HS3ST4: variants seen among roughly 807,000 people sequenced by gnomAD.
HS3ST4 encodes the protein heparan sulfate-glucosamine 3-sulfotransferase 4, also known as heparan sulfate glucosamine 3-O-sulfotransferase 4.
HS3ST4 carries 17 observed loss-of-function variants against 29.2 expected under a neutral mutation model. The ratio of observed to expected loss-of-function variants is 0.58; its 90% confidence interval spans 0.40 to 0.87. HS3ST4 has a LOEUF of 0.87. HS3ST4 is among the 40% of genes least tolerant of loss of function. The pLI is 0.00. For missense variants in HS3ST4, 627 were observed against 634.5 expected (o/e 0.99, Z 0.13); for synonymous variants, 314 against 285.7 (o/e 1.10, Z -1.00).
chr16:26,074,421 A>C (rs1192363285), intron 1 of HS3ST4, among the ~76,000 whole-genome samples: 2 of 152,204 alleles, frequency 1.3e-5, no homozygotes, highest in Admixed American at 1.3e-4. Flanking sequence ...GGGGCTGGGA[A>C]TGCTTTTGAC....
chr16:25,888,130 T>G (rs945703061), intron 1 of HS3ST4, among the ~76,000 whole-genome samples: 1 of 152,186 alleles, frequency 6.6e-6, no homozygotes, highest in Non-Finnish European at 1.5e-5. Context: ...TAATGTGGAC[T>G]TCAGTTGGCC....
At chr16:25,732,323 T>C (rs756937635) in intron 1 of HS3ST4, among the ~76,000 whole-genome samples, 1 of 152,214 alleles carries the variant, frequency 6.6e-6, no homozygotes, top group Non-Finnish European at 1.5e-5. Context: ...CCTTTTTACA[T>C]TGTAGGAATT....
chr16:26,130,079 G>A (rs980717293), intron 1 of HS3ST4, among the ~76,000 whole-genome samples: 3 of 152,170 alleles, frequency 2.0e-5, no homozygotes, highest in Non-Finnish European at 4.4e-5. Context: ...ACCAGGACCA[G>A]GAGAGTGCAG....
chr16:25,892,990 A>G (rs1332861852), intron 1 of HS3ST4, among the ~76,000 whole-genome samples: 1 of 152,198 alleles, frequency 6.6e-6, no homozygotes, highest in Non-Finnish European at 1.5e-5. Context: ...AGATTTGGGT[A>G]AGGGAATACA....
intron 1 of HS3ST4, among the ~76,000 whole-genome samples, chr16:26,048,175 T>C (rs1898292288): frequency 6.6e-6 from 1 of 152,242 alleles, no homozygotes; most frequent in Non-Finnish European, 1.5e-5. Flanking sequence ...CAGATTGAAT[T>C]AGGGCATAGC....
intron 1 of HS3ST4, among the ~76,000 whole-genome samples, chr16:25,914,050 GGT>G (rs200069326): frequency 1.4e-5 from 2 of 146,062 alleles, no homozygotes; most frequent in South Asian, 2.1e-4. Context: ...GTGTGTGTGG[GGT>G]GTGTGTGTGC....
At chr16:25,849,526 G>C (rs1291335119) in intron 1 of HS3ST4, among the ~76,000 whole-genome samples, 1 of 151,794 alleles carries the variant, frequency 6.6e-6, no homozygotes, top group African/African-American at 2.4e-5. Context: ...TTCAGACAGG[G>C]GCTCGGTCTA....
chr16:26,058,733 C>T (rs1325044107), intron 1 of HS3ST4, among the ~76,000 whole-genome samples: 3 of 152,152 alleles, frequency 2.0e-5, no homozygotes, highest in African/African-American at 4.8e-5. Flanking sequence ...GAAGCAGATA[C>T]TCTGGAATCT....
In HS3ST4 at chr16:25,913,931, CTA is replaced by C. The variant is rs1038158305; in HGVS notation, c.734+220782_734+220783del. ...GTGTGCATATGTATGTAGGGAGAGG[CTA>C]TGTGTGTGTGTGGTGTGTGTGTAAG... is the stretch of plus-strand genomic sequence containing the variant. On this transcript the variant is annotated intron_variant, in intron 1 of 1. Coordinates refer to ENST00000331351, the MANE Select transcript of HS3ST4 (RefSeq NM_006040.3). Among the ~76,000 whole-genome samples, 28 of 126,274 alleles carry C rather than the reference CTA, an allele frequency of 2.2e-4. 1 individual carries two copies. Among genetic ancestry groups the C allele is most frequent in the Non-Finnish European group, 3.3e-4 (20 of 60,872 alleles). The allele number at this position is 126,274 out of a possible 152,430, so 82.8% of individuals were successfully genotyped here.
intron 1 of HS3ST4, among the ~76,000 whole-genome samples, chr16:25,992,312 G>A (rs756632701): frequency 6.6e-6 from 1 of 152,178 alleles, no homozygotes; most frequent in Non-Finnish European, 1.5e-5. Context: ...TGAGAAAGAG[G>A]ACTTCCTAGA....
chr16:25,877,651 C>T (rs1220959715), intron 1 of HS3ST4, among the ~76,000 whole-genome samples: 1 of 152,156 alleles, frequency 6.6e-6, no homozygotes, highest in African/African-American at 2.4e-5. Context: ...GGAAGCATAG[C>T]CCCTGCTGAC....
intron 1 of HS3ST4, among the ~76,000 whole-genome samples, chr16:26,089,107 C>T (rs1898822374): frequency 6.6e-6 from 1 of 152,188 alleles, no homozygotes; most frequent in Admixed American, 6.5e-5. Flanking sequence ...GTATGCCTAA[C>T]AGCAATTTCT....
chr16:25,963,467 A>G (rs1008415510), intron 1 of HS3ST4, among the ~76,000 whole-genome samples: 7 of 152,220 alleles, frequency 4.6e-5, no homozygotes, highest in Non-Finnish European at 8.8e-5. Flanking sequence ...TATAAGAAAG[A>G]AACTTCAGCC....
At chr16:25,918,298 C>T (rs1381949591) in intron 1 of HS3ST4, among the ~76,000 whole-genome samples, 3 of 152,176 alleles carry the variant, frequency 2.0e-5, no homozygotes, top group African/African-American at 7.2e-5. Context: ...AGGACACTGA[C>T]CCTCAGCCTA....
chr16:25,956,194 A>G (rs1195412497), intron 1 of HS3ST4, among the ~76,000 whole-genome samples: 2 of 152,322 alleles, frequency 1.3e-5, no homozygotes, highest in Admixed American at 1.3e-4. Context: ...CTCTCGTCTT[A>G]TTCTTCAACA....
chr16:25,705,429 G>T (rs543953331), intron 1 of HS3ST4, among the ~76,000 whole-genome samples: 1 of 152,268 alleles, frequency 6.6e-6, no homozygotes, highest in Admixed American at 6.5e-5. Flanking sequence ...ACTTTGGGAG[G>T]CCGAGGCAGG....
At chr16:25,942,787 T>A (rs1968584972) in intron 1 of HS3ST4, among the ~76,000 whole-genome samples, 1 of 151,834 alleles carries the variant, frequency 6.6e-6, no homozygotes, top group African/African-American at 2.4e-5. Context: ...CCTGGCTAAT[T>A]TTTTAAAAAC....
chr16:25,723,154 G>A (rs1458402950), intron 1 of HS3ST4, among the ~76,000 whole-genome samples: 2 of 152,158 alleles, frequency 1.3e-5, no homozygotes, highest in Non-Finnish European at 2.9e-5. Flanking sequence ...AGGGAATTGT[G>A]GGAGCTACAA....
At chr16:26,070,526 C>G (rs949611387) in intron 1 of HS3ST4, among the ~76,000 whole-genome samples, 2 of 152,136 alleles carry the variant, frequency 1.3e-5, no homozygotes, top group East Asian at 3.9e-4. Context: ...AAATAAATGG[C>G]TATTGTTTAC....
Sources: gnomAD v4.1 joint callset for allele counts (sites outside exome capture counted in the v4.1 genomes callset) on GRCh38, gnomAD v4.1.1 for gene constraint, MANE v1.5 for transcripts, NCBI Gene and HGNC (gene_info 2026-07-23, HGNC 2026-07-21) for gene names.